The following ITPR2 variants were observed in gnomAD, a reference collection of about 807,000 sequenced individuals.
ITPR2 encodes inositol 1,4,5-trisphosphate receptor type 2.
ITPR2 carries 207 observed loss-of-function variants against 317.1 expected under a neutral mutation model. That is an observed-to-expected ratio of 0.65 (90% CI 0.58 to 0.73). ITPR2 has a LOEUF of 0.73. ITPR2 is among the 30% of genes least tolerant of loss of function. The pLI, the probability that ITPR2 is intolerant of heterozygous loss-of-function variation, is 0.00. For synonymous variants in ITPR2, 1,156 were observed against 1,149.1 expected (o/e 1.01, Z -0.12); for missense variants, 2,613 against 3,284.0 (o/e 0.80, Z 4.99).
chr12:26,658,751 C>T (rs904552863), intron 16 of ITPR2, among the ~76,000 whole-genome samples: 2 of 152,134 alleles, frequency 1.3e-5, no homozygotes, highest in African/African-American at 2.4e-5. Context: ...GTTGCTCACT[C>T]GGCTTCTATT....
chr12:26,699,906 G>A (rs1440806534), intron 9 of ITPR2, among the ~76,000 whole-genome samples: 1 of 152,096 alleles, frequency 6.6e-6, no homozygotes, highest in African/African-American at 2.4e-5. Context: ...AGGACTTAAT[G>A]TCTTTATGTT....
chr12:26,784,357 C>CTTCCGCGG lies in ITPR2; in HGVS notation c.163+5799_163+5800insCCGCGGAA, dbSNP rs1565762736. 1.6e-4 allele frequency among the ~76,000 whole-genome samples: 7 copies of CTTCCGCGG among 42,540 alleles called. 2 individuals carry two copies. Among genetic ancestry groups the CTTCCGCGG allele is most frequent in the Non-Finnish European group, 3.8e-4 (7 of 18,438 alleles). The allele number at this position is 42,540 out of a possible 152,430, so 27.9% of individuals were successfully genotyped here. A position where few individuals can be genotyped will look rare whatever the true frequency, so the allele number is the denominator to read the frequency against. On this transcript the variant is annotated intron_variant, in intron 2 of 56. Transcript: ENST00000381340. ...CCTCTCCCTCTCCCTCTCCCTCTCC[C>CTTCCGCGG]TCTCCCTCCACGGTCTCCTTCCACG...
At chr12:26,508,160 A>G (rs1031791199) in intron 37 of ITPR2, among the ~76,000 whole-genome samples, 1 of 152,170 alleles carries the variant, frequency 6.6e-6, no homozygotes, top group African/African-American at 2.4e-5. Context: ...TTTAAAATCC[A>G]TGGTGTGCTT....
chr12:26,597,249 T>C, intron 30 of ITPR2, 115 bp from the exon 31 acceptor site: 1 of 1,143,698 alleles, frequency 8.7e-7, no homozygotes, highest in South Asian at 1.4e-5. Flanking sequence ...ACATATATAA[T>C]ACGGCAAAGA....
At chr12:26,521,180 T>C (rs997787658) in intron 37 of ITPR2, among the ~76,000 whole-genome samples, 2 of 152,322 alleles carry the variant, frequency 1.3e-5, no homozygotes, top group Non-Finnish European at 2.9e-5. Context: ...GCATTTTCAA[T>C]AGTTATACAA....
At chr12:26,771,220 A>C (rs1949836761) in intron 2 of ITPR2, among the ~76,000 whole-genome samples, 1 of 152,208 alleles carries the variant, frequency 6.6e-6, no homozygotes, top group African/African-American at 2.4e-5. Context: ...CAGGGCCACC[A>C]TTTGATTCAA....
chr12:26,785,554 TG>T (rs1165122699), intron 2 of ITPR2, among the ~76,000 whole-genome samples: 335 of 17,526 alleles, frequency 0.019, 42 homozygotes, highest in Admixed American at 0.033. Context: ...AGGAGGGAGG[TG>T]GGGGGGGTCA....
intron 8 of ITPR2, among the ~76,000 whole-genome samples, chr12:26,712,953 C>T (rs1948675193): frequency 6.6e-6 from 1 of 152,238 alleles, no homozygotes; most frequent in African/African-American, 2.4e-5. Context: ...TCAGGACCAG[C>T]CCCACCCTGC....
intron 37 of ITPR2, among the ~76,000 whole-genome samples, chr12:26,514,081 C>T (rs927202108): frequency 2.6e-5 from 4 of 152,152 alleles, no homozygotes; most frequent in African/African-American, 9.7e-5. Context: ...AAACCATAGA[C>T]TGCATAATTT....
intron 26 of ITPR2, among the ~76,000 whole-genome samples, chr12:26,610,853 T>C (rs1309183722): frequency 6.6e-6 from 1 of 152,154 alleles, no homozygotes; most frequent in African/African-American, 2.4e-5. Flanking sequence ...TCAGCATGGA[T>C]AATGAAGGAT....
chr12:26,340,880 T>C (rs868668311), intron 55 of ITPR2, among the ~76,000 whole-genome samples: 2 of 152,198 alleles, frequency 1.3e-5, no homozygotes, highest in Non-Finnish European at 2.9e-5. Context: ...GGTTACTCTG[T>C]CTGCTCCCTT....
intron 55 of ITPR2, among the ~76,000 whole-genome samples, chr12:26,385,682 C>G (rs1404846293): frequency 3.3e-5 from 5 of 152,170 alleles, no homozygotes; most frequent in African/African-American, 1.2e-4. Context: ...AACTGGGCAA[C>G]TCACGATCCC....
intron 34 of ITPR2, among the ~76,000 whole-genome samples, chr12:26,577,522 G>A (rs1391881957): frequency 1.3e-5 from 2 of 151,988 alleles, no homozygotes; most frequent in Non-Finnish European, 2.9e-5. Flanking sequence ...TAATGTTTTT[G>A]TTGCTATTGA....
At chr12:26,385,863 G>A (rs544371712) in intron 55 of ITPR2, among the ~76,000 whole-genome samples, 29 of 150,976 alleles carry the variant, frequency 1.9e-4, no homozygotes, top group South Asian at 4.2e-4. Context: ...TGAAGCCTTC[G>A]CAGGTTTTCA....
intron 13 of ITPR2, among the ~76,000 whole-genome samples, chr12:26,679,338 G>T (rs1947981515): frequency 1.3e-5 from 2 of 152,168 alleles, no homozygotes; most frequent in Non-Finnish European, 2.9e-5. Context: ...GGGATGGAGG[G>T]AAGCAAACTT....
chr12:26,817,121 C>A (rs182817208), intron 1 of ITPR2, among the ~76,000 whole-genome samples: 22 of 135,514 alleles, frequency 1.6e-4, no homozygotes, highest in African/African-American at 6.3e-4. Flanking sequence ...GCAGAGGTTG[C>A]AGTGAGCCGA....
intron 37 of ITPR2, chr12:26,495,561 G>A (rs1942914048): frequency 4.8e-6 from 1 of 210,496 alleles, no homozygotes; most frequent in South Asian, 1.3e-4. Context: ...TCATCAAGTT[G>A]AAGACATTAA....
intron 2 of ITPR2, among the ~76,000 whole-genome samples, chr12:26,761,661 G>C (rs9645743): frequency 0.3 from 46,118 of 152,124 alleles, 8,462 homozygotes; most frequent in East Asian, 0.79. Context: ...GCCAGGCATA[G>C]TGGCACATGC....
intron 55 of ITPR2, among the ~76,000 whole-genome samples, chr12:26,354,193 G>C (rs1382155084): frequency 6.6e-6 from 1 of 152,102 alleles, no homozygotes; most frequent in African/African-American, 2.4e-5. Flanking sequence ...AGAATCTCTT[G>C]AACCCGGGAG....
Sources: gnomAD v4.1 joint callset for allele counts (sites outside exome capture counted in the v4.1 genomes callset) on GRCh38, gnomAD v4.1.1 for gene constraint, MANE v1.5 for transcripts, NCBI Gene and HGNC (gene_info 2026-07-23, HGNC 2026-07-21) for gene names.